CCDC62: variants seen among roughly 807,000 people sequenced by gnomAD.
CCDC62 encodes coiled-coil domain containing 62.
A neutral mutation model predicts 80.8 loss-of-function variants in CCDC62; 72 were observed. The observed-to-expected ratio is 0.89, with a 90% CI of 0.74 to 1.08. The LOEUF is 1.08. Among genes scored for constraint, CCDC62 ranks in the 50% least tolerant of loss-of-function variants. CCDC62 has a pLI of 0.00. For synonymous variants in CCDC62, 286 were observed against 296.5 expected (o/e 0.96, Z 0.36); for missense variants, 704 against 809.4 (o/e 0.87, Z 1.58).
At position 122,788,929 on chromosome 12, in the gene CCDC62, G is replaced by T. The variant is rs1555254717; in HGVS notation, c.670G>T (p.Glu224Ter). The change falls in exon 5 of 13, where the codon GAG becomes TAG. Residue 224 changes from glutamate to a stop codon, truncating the protein, a stop_gained and splice_region_variant. Transcript: ENST00000253079. LOFTEE classifies it high-confidence loss of function. ...TAAGATTGAAGTCAACAAACTAAAA[G>T]GTAAGGAAGAGACCTACATTTAAGA... ...ALKIEVNKLKEDLNEKTTENN... is the reference protein window; with the variant it reads ...ALKIEVNKLK The T allele has an allele frequency of 6.3e-7, 1 of 1,581,660 alleles. No individual in the cohort carries two copies. Among genetic ancestry groups the T allele is most frequent in the Non-Finnish European group, 8.6e-7 (1 of 1,169,088 alleles).
chr12:122,808,971 C>T (rs1011665126), intron 10 of CCDC62, among the ~76,000 whole-genome samples: 1 of 152,200 alleles, frequency 6.6e-6, no homozygotes, highest in Admixed American at 6.6e-5. Context: ...GAAGAGGTAT[C>T]TCAGTGTGGT....
chr12:122,815,446 T>TG (rs2032122274), intron 11 of CCDC62, among the ~76,000 whole-genome samples: 1 of 67,750 alleles, frequency 1.5e-5, no homozygotes, highest in Admixed American at 2.5e-4. Flanking sequence ...ACTTAACAGG[T>TG]TTTTTTTTTT....
intron 8 of CCDC62, among the ~76,000 whole-genome samples, chr12:122,799,155 G>A (rs543633073): frequency 9.9e-5 from 15 of 152,162 alleles, no homozygotes; most frequent in South Asian, 4.2e-4. Context: ...ATCCTCAGTC[G>A]CAGGAAGACC....
intron 10 of CCDC62, among the ~76,000 whole-genome samples, chr12:122,810,870 GGGACATGGATGAAGCT>G (rs2031839468): frequency 6.6e-6 from 1 of 152,080 alleles, no homozygotes; most frequent in South Asian, 2.1e-4. Context: ...GTCCTTTGTA[GGGACATGGATGAAGCT>G]GGAAACCATC....
intron 5 of CCDC62, among the ~76,000 whole-genome samples, chr12:122,791,482 C>T (rs2135544942): frequency 6.6e-6 from 1 of 151,828 alleles, no homozygotes; most frequent in South Asian, 2.1e-4. Flanking sequence ...TGGAGTCTCA[C>T]TCTGTTGTCC....
At chr12:122,776,918 CTT>C (rs1365526461) in intron 1 of CCDC62, 1 of 152,444 alleles carries the variant, frequency 6.6e-6, no homozygotes, top group East Asian at 1.9e-4. Context: ...GCCTCAGCCT[CTT>C]GAGTAGCTGG....
chr12:122,793,844 C>G (rs2030778423), intron 6 of CCDC62, among the ~76,000 whole-genome samples: 1 of 152,132 alleles, frequency 6.6e-6, no homozygotes, highest in African/African-American at 2.4e-5. Flanking sequence ...CACTAGAGGT[C>G]ACTATTTTCA....
intron 5 of CCDC62, among the ~76,000 whole-genome samples, chr12:122,790,670 AAAG>A (rs1285588427): frequency 6.6e-6 from 1 of 152,122 alleles, no homozygotes; most frequent in Non-Finnish European, 1.5e-5. Context: ...AAATAAAAAA[AAAG>A]AAGAGGAATT....
intron 11 of CCDC62, among the ~76,000 whole-genome samples, chr12:122,820,196 G>A (rs1313700375): frequency 3.9e-5 from 6 of 152,046 alleles, no homozygotes; most frequent in African/African-American, 7.2e-5. Flanking sequence ...AGGCAGAAGC[G>A]GGACTTCTCA....
intron 5 of CCDC62, 60 bp from the exon 6 acceptor site, chr12:122,791,960 G>A (rs1248771462): frequency 1.8e-6 from 2 of 1,088,688 alleles, no homozygotes; most frequent in Non-Finnish European, 2.8e-6. Flanking sequence ...GGCATAGTGT[G>A]TATATGAGGA....
intron 3 of CCDC62, among the ~76,000 whole-genome samples, chr12:122,782,384 G>T (rs2029917620): frequency 6.6e-6 from 1 of 152,180 alleles, no homozygotes; most frequent in South Asian, 2.1e-4. Flanking sequence ...TCAACAATGA[G>T]TTATTTTAGA....
At chr12:122,818,162 G>A (rs2032245726) in intron 11 of CCDC62, among the ~76,000 whole-genome samples, 1 of 151,934 alleles carries the variant, frequency 6.6e-6, no homozygotes, top group Non-Finnish European at 1.5e-5. Context: ...TCAAAAATTA[G>A]CTGGATGTGG....
chr12:122,813,283 T>C lies in CCDC62; in HGVS notation c.1865T>C (p.Leu622Ser), dbSNP rs765398059. 2.5e-6 allele frequency: 4 copies of C among 1,611,028 alleles called. No individual in the cohort carries two copies. The South Asian group carries it at 4.4e-5, about 18-fold the overall frequency. Residue 622 changes from leucine (L) to serine (S), a missense_variant, in exon 11 of 13, where the codon TTA becomes TCA. Coordinates refer to ENST00000253079, the MANE Select transcript of CCDC62 (RefSeq NM_201435.5). ...PAFNEKASIV[L>S]PSQDDFSPTS... ...AATTTCCTGTAGGCTTCAATTGTGT[T>C]ACCCTCCCAGGATGATTTCTCGCCC...
chr12:122,782,461 T>C (rs568937271), intron 3 of CCDC62, among the ~76,000 whole-genome samples: 1 of 152,290 alleles, frequency 6.6e-6, no homozygotes, highest in African/African-American at 2.4e-5. Context: ...TTCTAAATTA[T>C]TGTGTGTTTT....
At chr12:122,792,147 G>A in intron 6 of CCDC62, 26 bp downstream of exon 6, 1 of 1,344,236 alleles carries the variant, frequency 7.4e-7, no homozygotes, top group Non-Finnish European at 1.1e-6. Context: ...GAATGTATTT[G>A]TAACCTAGAC....
chr12:122,812,756 GGAGAGA>G lies in CCDC62; in HGVS notation c.1852-495_1852-490del, dbSNP rs551370561. 2.8e-3 allele frequency among the ~76,000 whole-genome samples: 249 copies of G among 88,834 alleles called. 4 individuals carry two copies. The highest frequency in any genetic ancestry group is 0.019 in the East Asian group (56 of 2,996). 58.3% of individuals were successfully genotyped at this position (88,834 alleles called of 152,430 possible). On this transcript the variant is annotated intron_variant, in intron 10 of 12. Transcript: ENST00000253079. ...AAAAAAGAAAGAGAGAGAGAGGGAG[GGAGAGA>G]GAGAGAGAGAGAGAGAGAAAGAAAG...
chr12:122,797,291 A>G lies in CCDC62; in HGVS notation c.773-16A>G, dbSNP rs775938844. The G allele has an allele frequency of 7.9e-7, 1 of 1,257,864 alleles. No homozygotes were observed. The highest frequency in any genetic ancestry group is 1.2e-6 in the Non-Finnish European group (1 of 856,546). 77.9% of individuals were successfully genotyped at this position (1,257,864 alleles called of 1,614,324 possible). On this transcript the variant is annotated splice_polypyrimidine_tract_variant and intron_variant, in intron 6 of 12. Transcript: ENST00000253079. ...ATAGCTGATGAAAAATGTTAATAAT[A>G]CTTGTTCTTAAATAGTAGAGAGAGA...
At chr12:122,780,905 C>A (rs1879815646) in intron 2 of CCDC62, among the ~76,000 whole-genome samples, 1 of 152,110 alleles carries the variant, frequency 6.6e-6, no homozygotes. Context: ...GAAGTGATTA[C>A]TCTAAGATCA....
chr12:122,801,312 A>G lies in CCDC62; in HGVS notation c.1166A>G (p.Glu389Gly). 2 of 1,614,110 alleles carry G rather than the reference A, an allele frequency of 1.2e-6. No homozygotes were observed. Among genetic ancestry groups the G allele is most frequent in the Non-Finnish European group, 1.7e-6 (2 of 1,179,990 alleles). ...KKQQIDTVFG[E>G]KSVITLSSIF... ...CAACAGATCGATACTGTGTTTGGGG[A>G]GAAAAGTGTAATTACGCTGTCATCC... The change falls in exon 9 of 13, where the codon GAG (glutamate) becomes GGG (glycine). Residue 389 changes from glutamate (E) to glycine (G), a missense_variant. Glu to Gly is a moderately conservative substitution (Grantham distance 98). Coordinates refer to ENST00000253079, the MANE Select transcript of CCDC62 (RefSeq NM_201435.5).
Sources: allele counts gnomAD v4.1 joint callset (sites outside exome capture counted in the v4.1 genomes callset), GRCh38; gene constraint gnomAD v4.1.1; transcripts MANE v1.5; gene names NCBI Gene and HGNC (gene_info 2026-07-23, HGNC 2026-07-21).